N4BP2: variants seen among roughly 807,000 people sequenced by gnomAD.
The protein encoded by N4BP2 is NEDD4-binding protein 2.
In N4BP2, 91 loss-of-function variants were observed where a neutral mutation model predicts 152.8. That is an observed-to-expected ratio of 0.60 (90% CI 0.50 to 0.71). The LOEUF is 0.71. N4BP2 is among the 30% of genes least tolerant of loss of function. The pLI, the probability that N4BP2 is intolerant of heterozygous loss-of-function variation, is 0.00. For synonymous variants in N4BP2, 646 were observed against 705.3 expected (o/e 0.92, Z 1.33); for missense variants, 1,923 against 2,059.1 (o/e 0.93, Z 1.28).
At position 40,141,852 on chromosome 4, in the gene N4BP2, G is replaced by A. The variant is rs565177610; in HGVS notation, c.4786-821G>A. 6.8e-3 allele frequency among the ~76,000 whole-genome samples: 1,033 copies of A among 152,326 alleles called. 5 individuals carry two copies. Among genetic ancestry groups the A allele is most frequent in the Non-Finnish European group, 9.2e-3 (627 of 68,030 alleles). ...TGCAATCCCGGCACCTCGGGAGGCC[G>A]AGGCTGGCGGATCACTCGCGGTTAG... is the stretch of plus-strand genomic sequence containing the variant. On this transcript the variant is annotated intron_variant, in intron 14 of 17. Coordinates refer to ENST00000261435, the MANE Select transcript of N4BP2 (RefSeq NM_018177.6).
At chr4:40,099,063 C>CT (rs1353576271) in intron 3 of N4BP2, among the ~76,000 whole-genome samples, 2 of 151,756 alleles carry the variant, frequency 1.3e-5, no homozygotes, top group Non-Finnish European at 1.5e-5. Context: ...TTTCTTTTGG[C>CT]TTTTTTTTCT....
chr4:40,107,271 A>AT (rs1560600351), intron 5 of N4BP2, among the ~76,000 whole-genome samples: 1 of 151,560 alleles, frequency 6.6e-6, no homozygotes, highest in East Asian at 1.9e-4. Flanking sequence ...TAATTTTTGT[A>AT]TTTTTTGTTG....
intron 2 of N4BP2, among the ~76,000 whole-genome samples, chr4:40,095,261 G>A (rs2109948590): frequency 6.6e-6 from 1 of 152,072 alleles, no homozygotes; most frequent in African/African-American, 2.4e-5. Context: ...TTGTATTTTA[G>A]TAGAGACAGA....
chr4:40,126,323 A>T lies in N4BP2; in HGVS notation c.4520A>T (p.His1507Leu). Residue 1507 changes from histidine to leucine, a missense_variant, in exon 12 of 18, where the codon CAT becomes CTT. By Grantham distance (99) the His-to-Leu change is moderately conservative (BLOSUM62 -3). Transcript: ENST00000261435. ...MSEEIALQEK[H>L]NLKRETLMFE... ...GAAGAAATTGCCTTACAGGAAAAAC[A>T]TAATTTGGTATGAATTAATATAAAT... 1 of 1,469,290 alleles carries T rather than the reference A, an allele frequency of 6.8e-7. No homozygotes were observed. The highest frequency in any genetic ancestry group is 9.3e-7 in the Non-Finnish European group (1 of 1,074,870). 91.0% of individuals were successfully genotyped at this position (1,469,290 alleles called of 1,614,324 possible). A position where few individuals can be genotyped will look rare whatever the true frequency, so the allele number is the denominator to read the frequency against.
intron 16 of N4BP2, among the ~76,000 whole-genome samples, chr4:40,148,469 AGAGGGAGAGGGG>A (rs1373011005): frequency 1.4e-5 from 1 of 72,668 alleles, no homozygotes; most frequent in African/African-American, 4.0e-5. Flanking sequence ...GACTGTGGGG[AGAGGGAGAGGGG>A]GAGGGGGAGG....
chr4:40,146,025 G>C (rs1363630445), intron 16 of N4BP2, among the ~76,000 whole-genome samples: 1 of 152,042 alleles, frequency 6.6e-6, no homozygotes, highest in Non-Finnish European at 1.5e-5. Flanking sequence ...AGCCAGGCAT[G>C]GTGGCATGCA....
At chr4:40,175,940 A>G in the N4BP2 span, among the ~76,000 whole-genome samples, 1 of 151,716 alleles carries the variant, frequency 6.6e-6, no homozygotes, top group Admixed American at 6.6e-5. Flanking sequence ...AATACAAAAA[A>G]TTAGCCGGGC....
At chr4:40,141,824 A>G (rs1438292396) in intron 14 of N4BP2, among the ~76,000 whole-genome samples, 7 of 152,178 alleles carry the variant, frequency 4.6e-5, no homozygotes, top group East Asian at 3.9e-4. Context: ...ACCAGACTCC[A>G]TCTGCAATCC....
At chr4:40,116,719 C>G (rs542678908) in intron 7 of N4BP2, among the ~76,000 whole-genome samples, 24 of 152,224 alleles carry the variant, frequency 1.6e-4, no homozygotes, top group Admixed American at 1.4e-3. Context: ...GAATTGCCTT[C>G]TGCCTGATGT....
intron 16 of N4BP2, among the ~76,000 whole-genome samples, chr4:40,145,960 G>A (rs983516569): frequency 6.6e-6 from 1 of 151,940 alleles, no homozygotes; most frequent in Admixed American, 6.6e-5. Context: ...TCTGGAGTTC[G>A]AGACCAGCCT....
intron 12 of N4BP2, among the ~76,000 whole-genome samples, chr4:40,129,609 G>GCAGCC (rs1195207084): frequency 1.3e-5 from 2 of 151,908 alleles, no homozygotes; most frequent in African/African-American, 2.4e-5. Flanking sequence ...ACCTTCACAT[G>GCAGCC]CAGCCTGAGA....
intron 16 of N4BP2, among the ~76,000 whole-genome samples, chr4:40,147,201 CAT>C (rs1720621855): frequency 6.6e-6 from 1 of 150,740 alleles, no homozygotes; most frequent in Non-Finnish European, 1.5e-5. Flanking sequence ...GGACACAGCA[CAT>C]GTTTCAGAGA....
intron 16 of N4BP2, among the ~76,000 whole-genome samples, chr4:40,147,578 G>A (rs1330355602): frequency 6.7e-6 from 1 of 149,078 alleles, no homozygotes; most frequent in Non-Finnish European, 1.5e-5. Flanking sequence ...CGGCTGGCCG[G>A]GTGGGGGCTG....
intron 17 of N4BP2, among the ~76,000 whole-genome samples, chr4:40,153,928 TA>T (rs1395773969): frequency 2.6e-5 from 4 of 152,166 alleles, no homozygotes; most frequent in Admixed American, 6.5e-5. Flanking sequence ...TTCATAAAGG[TA>T]AAATTCAGGC....
chr4:40,174,172 T>C, the N4BP2 span, among the ~76,000 whole-genome samples: 6 of 150,762 alleles, frequency 4.0e-5, no homozygotes, highest in South Asian at 1.3e-3. Flanking sequence ...AGTCTAGGAG[T>C]TCGAGACCAG....
the N4BP2 span, among the ~76,000 whole-genome samples, chr4:40,179,433 C>G: frequency 3.3e-5 from 5 of 152,168 alleles, no homozygotes; most frequent in African/African-American, 1.2e-4. Context: ...CACAGCAAAA[C>G]TAATAGTAGC....
chr4:40,151,138 A>G (rs986770650), intron 16 of N4BP2, among the ~76,000 whole-genome samples: 4 of 152,246 alleles, frequency 2.6e-5, no homozygotes, highest in African/African-American at 9.6e-5. Context: ...ATGTGAATCA[A>G]CTAGAGAATA....
intron 16 of N4BP2, among the ~76,000 whole-genome samples, chr4:40,148,634 T>A (rs997328429): frequency 2.0e-5 from 3 of 152,176 alleles, no homozygotes; most frequent in Non-Finnish European, 4.4e-5. Context: ...TTTCCCCTTT[T>A]AAAAAATTTT....
chr4:40,160,933 A>G (rs903815112), downstream of N4BP2, among the ~76,000 whole-genome samples: 1 of 152,076 alleles, frequency 6.6e-6, no homozygotes, highest in African/African-American at 2.4e-5. Context: ...TAAACCTAAC[A>G]CCCCACAGAG....
Sources: gnomAD v4.1 joint callset for allele counts (sites outside exome capture counted in the v4.1 genomes callset) on GRCh38, gnomAD v4.1.1 for gene constraint, MANE v1.5 for transcripts, NCBI Gene and HGNC (gene_info 2026-07-23, HGNC 2026-07-21) for gene names.